The following NUP205 variants were observed in gnomAD, a reference collection of about 807,000 sequenced individuals.
The protein encoded by NUP205 is nuclear pore complex protein Nup205.
Under a neutral mutation model 253.8 loss-of-function variants are expected in NUP205, and 76 were observed. That is an observed-to-expected ratio of 0.30 (90% CI 0.25 to 0.36). NUP205 has a LOEUF of 0.36. NUP205 is among the 10% of genes least tolerant of loss of function. NUP205 has a pLI of 1.00. For synonymous variants in NUP205, 832 were observed against 850.1 expected (o/e 0.98, Z 0.37); for missense variants, 2,162 against 2,425.5 (o/e 0.89, Z 2.28).
At chr7:135,570,733 T>G (rs1245201694) in intron 1 of NUP205, among the ~76,000 whole-genome samples, 3 of 103,486 alleles carry the variant, frequency 2.9e-5, no homozygotes, top group Non-Finnish European at 5.4e-5. Flanking sequence ...TATTTATATA[T>G]TATATTAATA....
chr7:135,633,904 A>C (rs557438773), intron 35 of NUP205, among the ~76,000 whole-genome samples: 2 of 152,340 alleles, frequency 1.3e-5, no homozygotes, highest in African/African-American at 4.8e-5. Context: ...CCTGTTGTGT[A>C]CAGTTCAGCC....
chr7:135,610,286 T>TCTCAGCTCACCGCAAC (rs1204043268), intron 22 of NUP205, among the ~76,000 whole-genome samples: 1 of 152,210 alleles, frequency 6.6e-6, no homozygotes, highest in Non-Finnish European at 1.5e-5. Flanking sequence ...AGTGGCACGA[T>TCTCAGCTCACCGCAAC]CTCAGCTCAC....
In NUP205 at chr7:135,577,895, A is replaced by T. The variant is rs745570176; in HGVS notation, c.748A>T (p.Ile250Phe). The T allele has an allele frequency of 1.2e-6, 2 of 1,614,070 alleles. No homozygotes were observed. Among genetic ancestry groups the T allele is most frequent in the Non-Finnish European group, 1.7e-6 (2 of 1,179,976 alleles). ...AGGCAAAGAAGACACTCTCCTCCTCATTGGACATTTGGAAAGAGTGACAGT... is the reference window on the plus strand; with the variant it reads ...AGGCAAAGAAGACACTCTCCTCCTCTTTGGACATTTGGAAAGAGTGACAGT... ...PLGKEDTLLL[I>F]GHLERVTVEA... The change falls in exon 6 of 43, where the codon ATT becomes TTT. Residue 250 changes from isoleucine to phenylalanine, a missense_variant. Physicochemically the swap from Ile to Phe is conservative, Grantham distance 21. Transcript: ENST00000285968.
rs144102876 is a variant in NUP205 at position 135,617,670 on chromosome 7, T to C, written c.3759T>C (p.Pro1253=). Residue 1253 remains proline, a synonymous_variant, in exon 27 of 43, where the codon CCT becomes CCC. Transcript: ENST00000285968. The stretch of plus-strand genomic sequence containing the variant: ...GTATGGCAGCCATAGGACAGAGACC[T>C]CTACTAATGGAGGTAAGCTCTATTG... The part of the protein sequence containing the change: ...LQGMAAIGQR[P]LLMEEISTVL... The C allele has an allele frequency of 9.1e-5, 146 of 1,606,940 alleles. No homozygotes were observed. Among genetic ancestry groups the C allele is most frequent in the Non-Finnish European group, 1.2e-4 (144 of 1,173,700 alleles).
At chr7:135,622,671 G>GTTTTTTTTT in intron 30 of NUP205, 106 bp from the exon 31 acceptor site, 3 of 853,608 alleles carry the variant, frequency 3.5e-6, no homozygotes, top group African/African-American at 1.8e-5. Context: ...TTTTTGTTGC[G>GTTTTTTTTT]TTTTTTTTTT....
intron 34 of NUP205, among the ~76,000 whole-genome samples, chr7:135,629,469 ATCTCTCTCTCTCTCTCTCTCTC>A (rs201403059): frequency 1.0e-3 from 122 of 119,804 alleles, no homozygotes; most frequent in African/African-American, 3.4e-3. Context: ...GTGAGACCCT[ATCTCTCTCTCTCTCTCTCTCTC>A]TCTCTCTCTC....
chr7:135,619,831 C>G lies in NUP205; in HGVS notation c.4273C>G (p.Leu1425Val), dbSNP rs765204001. The G allele has an allele frequency of 6.2e-7, 1 of 1,613,854 alleles. No individual in the cohort carries two copies. Among genetic ancestry groups the G allele is most frequent in the Non-Finnish European group, 8.5e-7 (1 of 1,179,900 alleles). ...AGTGAGGACTCACTTGTATGGCTCTCTGCTTTATTACTTACAGATTGCCCA... is the reference window on the plus strand; with the variant it reads ...AGTGAGGACTCACTTGTATGGCTCTGTGCTTTATTACTTACAGATTGCCCA... ...QRVRTHLYGS[L>V]LYYLQIAQRP... The change falls in exon 30 of 43, where the codon CTG becomes GTG. Residue 1425 changes from leucine to valine, a missense_variant. Physicochemically the swap from Leu to Val is conservative, Grantham distance 32. Around this residue, in one of 5 missense-constraint regions of NUP205, gnomAD observed 1,144 missense variants for 1,280.9 expected, o/e 0.89. Transcript: ENST00000285968.
At chr7:135,603,767 C>T (rs1393259023) in intron 18 of NUP205, among the ~76,000 whole-genome samples, 1 of 152,128 alleles carries the variant, frequency 6.6e-6, no homozygotes, top group Non-Finnish European at 1.5e-5. Flanking sequence ...AGCTCAGCCT[C>T]CCAAAGTGCT....
At chr7:135,628,438 G>T (rs919623559) in intron 34 of NUP205, among the ~76,000 whole-genome samples, 1 of 152,130 alleles carries the variant, frequency 6.6e-6, no homozygotes, top group African/African-American at 2.4e-5. Flanking sequence ...GGTATCTATT[G>T]AGAGAGGGCT....
intron 7 of NUP205, among the ~76,000 whole-genome samples, chr7:135,580,172 C>T (rs557072611): frequency 3.3e-5 from 5 of 152,158 alleles, no homozygotes; most frequent in Non-Finnish European, 7.3e-5. Flanking sequence ...TCAACAGATT[C>T]TAGTATCTTA....
intron 10 of NUP205, among the ~76,000 whole-genome samples, chr7:135,590,776 C>T (rs868266374): frequency 2.6e-4 from 40 of 152,142 alleles, no homozygotes; most frequent in African/African-American, 9.4e-4. Flanking sequence ...CGTGATCTGC[C>T]CGCCTTGGCC....
At chr7:135,559,302 C>T (rs1291895427) in intron 1 of NUP205, among the ~76,000 whole-genome samples, 1 of 152,178 alleles carries the variant, frequency 6.6e-6, no homozygotes, top group African/African-American at 2.4e-5. Flanking sequence ...GCGGTCCTTC[C>T]TTCCCAATTA....
Position 135,645,064 on chromosome 7 carries a change from A to G in NUP205, c.5683+46A>G, listed in dbSNP as rs1015448188. The G allele has an allele frequency of 4.4e-6, 7 of 1,607,144 alleles. No individual in the cohort carries two copies. The South Asian group carries it at 4.4e-5, about 10-fold the overall frequency. ...CACTTGAATGATGACCTTGAAATATAGGAACTGTTCACTTATTCTCATATT... is the reference window on the plus strand; with the variant it reads ...CACTTGAATGATGACCTTGAAATATGGGAACTGTTCACTTATTCTCATATT... On this transcript the variant is annotated intron_variant, in intron 40 of 42. Coordinates refer to ENST00000285968, the MANE Select transcript of NUP205 (RefSeq NM_015135.3).
intron 22 of NUP205, among the ~76,000 whole-genome samples, chr7:135,613,163 A>G (rs1377601119): frequency 6.6e-6 from 1 of 151,892 alleles, no homozygotes; most frequent in Non-Finnish European, 1.5e-5. Flanking sequence ...AATTCCTGAA[A>G]ACAGATGGAC....
chr7:135,600,428 T>G (rs1793942441), intron 15 of NUP205, among the ~76,000 whole-genome samples: 2 of 152,194 alleles, frequency 1.3e-5, no homozygotes, highest in African/African-American at 4.8e-5. Context: ...GGGAATTCAT[T>G]CACTGCTCTG....
chr7:135,588,659 C>T (rs907958962), intron 10 of NUP205, among the ~76,000 whole-genome samples: 10 of 150,960 alleles, frequency 6.6e-5, no homozygotes, highest in African/African-American at 2.2e-4. Flanking sequence ...ATTCAGCCTT[C>T]CCAAAGCAGT....
chr7:135,636,440 T>G (rs904326637), intron 36 of NUP205, among the ~76,000 whole-genome samples: 1 of 152,186 alleles, frequency 6.6e-6, no homozygotes, highest in Non-Finnish European at 1.5e-5. Context: ...TACATCATTT[T>G]GAAATCATAA....
At position 135,606,233 on chromosome 7, in the gene NUP205, C is replaced by T; in HGVS notation, c.2905+7C>T. Reference sequence around the variant, plus strand: ...TTTGTACGTCTGGAAGAGGGTATGCCTTAGATTAATGTGCATACACGCATT... The same window carrying T: ...TTTGTACGTCTGGAAGAGGGTATGCTTTAGATTAATGTGCATACACGCATT... On this transcript the variant is annotated splice_region_variant and intron_variant, in intron 20 of 42. Transcript: ENST00000285968. 1 of 1,567,200 alleles carries T rather than the reference C, an allele frequency of 6.4e-7. No individual in the cohort carries two copies. Among genetic ancestry groups the T allele is most frequent in the Non-Finnish European group, 8.8e-7 (1 of 1,137,602 alleles).
chr7:135,640,342 G>T (rs1471768061), intron 38 of NUP205, among the ~76,000 whole-genome samples: 1 of 152,144 alleles, frequency 6.6e-6, no homozygotes, highest in Non-Finnish European at 1.5e-5. Flanking sequence ...TATTAAATTT[G>T]TTGTTGTTGT....
Sources: gnomAD v4.1 joint callset for allele counts (sites outside exome capture counted in the v4.1 genomes callset) on GRCh38, gnomAD v4.1.1 for gene constraint, gnomAD v4.1.1 regional missense constraint, MANE v1.5 for transcripts, NCBI Gene and HGNC (gene_info 2026-07-23, HGNC 2026-07-21) for gene names.